Variants in COBLL1 observed in about 807,000 individuals in gnomAD.
COBLL1 encodes cordon-bleu WH2 repeat protein like 1.
COBLL1 carries 50 observed loss-of-function variants against 94.8 expected under a neutral mutation model. The observed-to-expected ratio is 0.53, with a 90% CI of 0.42 to 0.67. The LOEUF is 0.67. COBLL1 is among the 30% of genes least tolerant of loss of function. The pLI is 0.00. For synonymous variants in COBLL1, 448 were observed against 473.8 expected (o/e 0.95, Z 0.71); for missense variants, 1,362 against 1,348.7 (o/e 1.01, Z -0.15).
chr2:164,687,916 A>G, intron 13 of COBLL1: 1 of 236,862 alleles, frequency 4.2e-6, no homozygotes. Flanking sequence ...TAGAAAACGT[A>G]TCGATGGCTC....
chr2:164,764,442 G>T (rs1687839293), intron 2 of COBLL1, among the ~76,000 whole-genome samples: 1 of 152,110 alleles, frequency 6.6e-6, no homozygotes, highest in South Asian at 2.1e-4. Context: ...CTTTAGATTT[G>T]ATTGAATATA....
intron 7 of COBLL1, among the ~76,000 whole-genome samples, chr2:164,715,618 G>A (rs1362586921): frequency 1.3e-5 from 2 of 151,850 alleles, no homozygotes; most frequent in African/African-American, 4.8e-5. Flanking sequence ...TATAAACCAT[G>A]ATATATATTA....
At position 164,841,556 on chromosome 2, in the gene COBLL1, G is replaced by A. The variant is rs1261880886; in HGVS notation, c.-51+154C>T. The A allele has an allele frequency of 8.2e-6, 6 of 735,858 alleles. No homozygotes were observed. The East Asian group carries it at 3.5e-4, about 43-fold the overall frequency. The allele number at this position is 735,858 out of a possible 1,614,324, so 45.6% of individuals were successfully genotyped here. A position where few individuals can be genotyped will look rare whatever the true frequency, so the allele number is the denominator to read the frequency against. ...AGCCGCCGGGGCTGGAAAAGGAGGA[G>A]GAGCGGGGCCGGGCGCACGGGCACC... On this transcript the variant is annotated intron_variant, in intron 1 of 13. Coordinates refer to ENST00000652658, the MANE Select transcript of COBLL1 (RefSeq NM_001365672.2). This position sits in a 1 kb window ranked among gnomAD's most constrained non-coding sequence, Gnocchi z 5.5.
chr2:164,699,115 A>C (rs1684102547), intron 11 of COBLL1, among the ~76,000 whole-genome samples: 1 of 151,980 alleles, frequency 6.6e-6, no homozygotes, highest in African/African-American at 2.4e-5. Context: ...CAAAAGTAGT[A>C]CACATGGTAG....
At chr2:164,767,013 A>G (rs947295895) in intron 2 of COBLL1, among the ~76,000 whole-genome samples, 1 of 152,200 alleles carries the variant, frequency 6.6e-6, no homozygotes, top group African/African-American at 2.4e-5. Context: ...AATGTTCAGT[A>G]TATCATAAGG....
In COBLL1 at chr2:164,841,617, G is replaced by A. The variant is rs556283940; in HGVS notation, c.-51+93C>T. The A allele has an allele frequency of 2.5e-5, 9 of 361,390 alleles. No homozygotes were observed. In the East Asian group the frequency reaches 4.1e-4, roughly 17 times the overall value. 22.4% of individuals were successfully genotyped at this position (361,390 alleles called of 1,614,324 possible). ...CGGCAGCGCACTCCCAGGCTCCTCC[G>A]GCCGAGTTTGCACAAACAAAACGCC... On this transcript the variant is annotated intron_variant, in intron 1 of 13. Transcript: ENST00000652658. This position sits in a 1 kb window ranked among gnomAD's most constrained non-coding sequence, Gnocchi z 5.5.
At chr2:164,714,160 C>T (rs1453947353) in intron 7 of COBLL1, among the ~76,000 whole-genome samples, 1 of 149,118 alleles carries the variant, frequency 6.7e-6, no homozygotes, top group African/African-American at 2.5e-5. Flanking sequence ...AAGAAACACA[C>T]ACACACACAC....
At chr2:164,661,486 A>G (rs1220099344) in intron 2 of COBLL1, among the ~76,000 whole-genome samples, 1 of 152,148 alleles carries the variant, frequency 6.6e-6, no homozygotes, top group African/African-American at 2.4e-5. Context: ...TTAAGACTGT[A>G]AAATGATTTA....
intron 9 of COBLL1, among the ~76,000 whole-genome samples, chr2:164,702,489 A>G (rs1023772423): frequency 2.7e-5 from 4 of 146,558 alleles, no homozygotes; most frequent in Middle Eastern, 3.5e-3. Flanking sequence ...GCGTGAACCC[A>G]GGAGGTGGAG....
At chr2:164,769,712 GCA>G (rs1401684842) in intron 2 of COBLL1, among the ~76,000 whole-genome samples, 1 of 151,972 alleles carries the variant, frequency 6.6e-6, no homozygotes, top group Non-Finnish European at 1.5e-5. Flanking sequence ...AAGAGTAATT[GCA>G]CAGAGTTAAA....
intron 2 of COBLL1, among the ~76,000 whole-genome samples, chr2:164,760,835 T>C (rs1687645166): frequency 1.3e-5 from 2 of 152,228 alleles, no homozygotes; most frequent in Admixed American, 1.3e-4. Context: ...TAACACATGT[T>C]GGCTTCAGTT....
intron 2 of COBLL1, among the ~76,000 whole-genome samples, chr2:164,805,333 C>CTATATA (rs1406604214): frequency 8.9e-3 from 182 of 20,516 alleles, no homozygotes; most frequent in East Asian, 0.015. Context: ...CTCTCTCTCT[C>CTATATA]TCTCTATATA....
chr2:164,807,532 T>C (rs972730292), intron 2 of COBLL1, among the ~76,000 whole-genome samples: 2 of 152,114 alleles, frequency 1.3e-5, no homozygotes, highest in African/African-American at 2.4e-5. Context: ...ATCCTCTCCA[T>C]ATATTTGTTT....
chr2:164,754,674 G>A (rs1398496398), intron 2 of COBLL1, among the ~76,000 whole-genome samples: 1 of 152,194 alleles, frequency 6.6e-6, no homozygotes, highest in Non-Finnish European at 1.5e-5. Context: ...CTAAAGCACT[G>A]CTCCTGGCAT....
intron 2 of COBLL1, among the ~76,000 whole-genome samples, chr2:164,802,673 T>TAA (rs774599680): frequency 2.6e-5 from 4 of 152,228 alleles, no homozygotes; most frequent in Admixed American, 2.0e-4. Flanking sequence ...TGTAACAAAT[T>TAA]AAAAGTCTGA....
intron 11 of COBLL1, 149 bp from the exon 12 acceptor site, chr2:164,695,985 T>C: frequency 1.1e-5 from 7 of 642,700 alleles, no homozygotes; most frequent in Non-Finnish European, 1.8e-5. Flanking sequence ...GGTAGTAGCA[T>C]ACAGAGAAAA....
intron 13 of COBLL1, among the ~76,000 whole-genome samples, chr2:164,688,828 C>T (rs1683440832): frequency 6.6e-6 from 1 of 150,688 alleles, no homozygotes; most frequent in African/African-American, 2.5e-5. Flanking sequence ...ATAAATCTTA[C>T]ATTTGAAAAA....
At chr2:164,741,993 C>T (rs964053503) in intron 3 of COBLL1, among the ~76,000 whole-genome samples, 7 of 151,922 alleles carry the variant, frequency 4.6e-5, no homozygotes, top group Admixed American at 6.6e-5. Flanking sequence ...GAAATGGAAC[C>T]GTTTTAAAGT....
intron 2 of COBLL1, among the ~76,000 whole-genome samples, chr2:164,801,465 A>AAAAAAAAAAAAAAAAAC (rs1683796611): frequency 7.2e-6 from 1 of 138,324 alleles, no homozygotes; most frequent in African/African-American, 2.8e-5. Context: ...AAAAAAAAAA[A>AAAAAAAAAAAAAAAAAC]AAAAGCTTAG....
Sources: allele counts gnomAD v4.1 joint callset (sites outside exome capture counted in the v4.1 genomes callset), GRCh38; gene constraint gnomAD v4.1.1; non-coding constraint Gnocchi (gnomAD v3.1); transcripts MANE v1.5; gene names NCBI Gene and HGNC (gene_info 2026-07-23, HGNC 2026-07-21).